SNX14: variants seen among roughly 807,000 people sequenced by gnomAD.
The protein encoded by SNX14 is sorting nexin-14.
A neutral mutation model predicts 133.8 loss-of-function variants in SNX14; 93 were observed. That is an observed-to-expected ratio of 0.70 (90% CI 0.59 to 0.83). The LOEUF (loss-of-function observed/expected upper bound fraction) is 0.83, where lower values mean the gene tolerates loss of function less well. SNX14 is among the 40% of genes least tolerant of loss of function. The pLI is 0.00. For synonymous variants in SNX14, 368 were observed against 365.6 expected (o/e 1.01, Z -0.07); for missense variants, 945 against 1,094.9 (o/e 0.86, Z 1.93).
At chr6:85,569,230 G>A (rs763112908) in intron 4 of SNX14, among the ~76,000 whole-genome samples, 6 of 152,168 alleles carry the variant, frequency 3.9e-5, no homozygotes, top group Non-Finnish European at 8.8e-5. Context: ...CCAAAGTGCT[G>A]GGATTACAGG....
intron 7 of SNX14, among the ~76,000 whole-genome samples, chr6:85,552,067 C>T (rs1788009993): frequency 1.6e-5 from 2 of 128,540 alleles, no homozygotes; most frequent in Admixed American, 9.1e-5. Flanking sequence ...GACGGAGTCT[C>T]GCTCTGTCGC....
Position 85,593,535 on chromosome 6 carries a change from C to T in SNX14, c.140+44G>A, listed in dbSNP as rs1158978078. 3 of 1,578,022 alleles carry T rather than the reference C, an allele frequency of 1.9e-6. No individual in the cohort carries two copies. The African/African-American group carries it at 4.0e-5, about 21-fold the overall frequency. ...AGCAGCACGGGCCGGGCGTCTGCAC[C>T]TTCGGAGAAAAGCCGCCGCCCAGGC... is the stretch of plus-strand genomic sequence containing the variant. On this transcript the variant is annotated intron_variant, in intron 1 of 28. Coordinates refer to ENST00000314673, the MANE Select transcript of SNX14 (RefSeq NM_153816.6).
intron 1 of SNX14, among the ~76,000 whole-genome samples, chr6:85,582,497 T>A (rs1799352608): frequency 6.7e-6 from 1 of 150,070 alleles, no homozygotes; most frequent in African/African-American, 2.5e-5. Flanking sequence ...AGGAGCCGAT[T>A]TTTTTTTTTG....
At chr6:85,516,085 G>A (rs1774857952) in intron 23 of SNX14, among the ~76,000 whole-genome samples, 1 of 151,960 alleles carries the variant, frequency 6.6e-6, no homozygotes, top group Admixed American at 6.6e-5. Context: ...AATCAATGAG[G>A]TTCAAAAAAT....
intron 1 of SNX14, among the ~76,000 whole-genome samples, chr6:85,587,212 A>T (rs1373600873): frequency 6.6e-6 from 1 of 152,100 alleles, no homozygotes; most frequent in Admixed American, 6.5e-5. Context: ...TAAGGCAAAA[A>T]AAAAAATATG....
Position 85,547,083 on chromosome 6 carries a change from C to G in SNX14, c.1108+29G>C, listed in dbSNP as rs755730650. 2.8e-5 allele frequency: 42 copies of G among 1,512,222 alleles called. No individual in the cohort carries two copies. In the Middle Eastern group the frequency reaches 1.0e-3, roughly 38 times the overall value. The allele number at this position is 1,512,222 out of a possible 1,614,324, so 93.7% of individuals were successfully genotyped here. On this transcript the variant is annotated intron_variant, in intron 12 of 28. Transcript: ENST00000314673. ...AATACATTAAAAGGTTTAAAAATTA[C>G]TTTCGTAAAATACACAGGTAAGCCT...
In SNX14 at chr6:85,517,710, T is replaced by C. The variant is rs190501645; in HGVS notation, c.2268+46A>G. On this transcript the variant is annotated intron_variant, in intron 23 of 28. Transcript: ENST00000314673. ...TCGACAATGAAAAAGTAATCTCAAG[T>C]AGGGCAACTTAAAACTTAATAGTTC... The C allele has an allele frequency of 7.8e-6, 12 of 1,538,252 alleles. No individual in the cohort carries two copies. The East Asian group carries it at 2.5e-4, about 32-fold the overall frequency.
chr6:85,572,032 A>G, intron 4 of SNX14, 105 bp downstream of exon 4: 1 of 840,144 alleles, frequency 1.2e-6, no homozygotes. Context: ...TTTAAGTGAC[A>G]TGTATTAAGA....
At chr6:85,506,040 AG>A (rs1306401541) in intron 28 of SNX14, 35 bp from the exon 29 acceptor site, 1 of 1,384,040 alleles carries the variant, frequency 7.2e-7, no homozygotes, top group Non-Finnish European at 1.0e-6. Context: ...ATAGAAGACA[AG>A]ACACAGGTTC....
At chr6:85,517,638 A>G (rs1775487598) in intron 23 of SNX14, 118 bp downstream of exon 23, 1 of 1,203,442 alleles carries the variant, frequency 8.3e-7, no homozygotes. Context: ...TTCCACATAA[A>G]GGAAATGTAT....
At chr6:85,538,253 C>G (rs2128041057) in intron 16 of SNX14, among the ~76,000 whole-genome samples, 1 of 151,770 alleles carries the variant, frequency 6.6e-6, no homozygotes, top group South Asian at 2.1e-4. Context: ...TTTATCTAAA[C>G]AAACATACAA....
chr6:85,546,982 AAAG>A, intron 12 of SNX14, 127 bp downstream of exon 12: 7 of 681,542 alleles, frequency 1.0e-5, no homozygotes, highest in East Asian at 8.6e-5. Flanking sequence ...AAAAAAAAAA[AAAG>A]GAAATCGAGT....
chr6:85,591,735 T>C (rs1026429605), intron 1 of SNX14, among the ~76,000 whole-genome samples: 1 of 152,156 alleles, frequency 6.6e-6, no homozygotes, highest in Non-Finnish European at 1.5e-5. Flanking sequence ...ATGGGCTGCG[T>C]GCAGTCGCTC....
At position 85,518,077 on chromosome 6, in the gene SNX14, G is replaced by C. The variant is rs372931861; in HGVS notation, c.2108-29C>G. The C allele has an allele frequency of 4.4e-5, 69 of 1,567,510 alleles. No homozygotes were observed. In the East Asian group the frequency reaches 1.5e-3, roughly 34 times the overall value. ...CAATTAAAAGTAAAACATTATTTTA[G>C]GAAGGCATAAAACTCTTCATAATTG... On this transcript the variant is annotated intron_variant, in intron 21 of 28. Transcript: ENST00000314673.
chr6:85,525,257 C>A (rs72905350), intron 21 of SNX14, among the ~76,000 whole-genome samples: 5,041 of 152,134 alleles, frequency 0.033, 149 homozygotes, highest in Admixed American at 0.052. Flanking sequence ...AAAAAATAGA[C>A]CAAATATAAG....
chr6:85,574,365 A>C lies in SNX14; in HGVS notation c.154T>G (p.Leu52Val). ...SLLLNRYIHI[L>V]MIFWSFVAGV... ...GCAACAAATGACCAGAAGATCATTA[A>C]AATATGAATATACCTTAAAAATAAA... Residue 52 changes from leucine (L) to valine (V), a missense_variant, in exon 2 of 29, where the codon TTA becomes GTA. This residue lies in a region of SNX14 where 514 missense variants were observed against 538.8 expected (regional missense o/e 0.95). Coordinates refer to ENST00000314673, the MANE Select transcript of SNX14 (RefSeq NM_153816.6). The C allele has an allele frequency of 6.4e-7, 1 of 1,557,040 alleles. No individual in the cohort carries two copies. The highest frequency in any genetic ancestry group is 1.2e-5 in the South Asian group (1 of 84,976).
chr6:85,557,434 G>T (rs1418707628), intron 7 of SNX14, among the ~76,000 whole-genome samples: 2 of 152,194 alleles, frequency 1.3e-5, no homozygotes, highest in African/African-American at 4.8e-5. Context: ...TGCAAATCAT[G>T]ACAGGAAAAA....
At chr6:85,587,079 T>C (rs1801130908) in intron 1 of SNX14, among the ~76,000 whole-genome samples, 1 of 151,870 alleles carries the variant, frequency 6.6e-6, no homozygotes, top group African/African-American at 2.4e-5. Context: ...AGTGTTTTTC[T>C]ATGTTGCCCA....
intron 20 of SNX14, among the ~76,000 whole-genome samples, chr6:85,527,211 T>C (rs1256598256): frequency 1.3e-5 from 2 of 152,112 alleles, no homozygotes; most frequent in Admixed American, 1.3e-4. Context: ...TACAAGAAAA[T>C]ATTTCTTCCA....
Sources: gnomAD v4.1 joint callset for allele counts (sites outside exome capture counted in the v4.1 genomes callset) on GRCh38, gnomAD v4.1.1 for gene constraint, gnomAD v4.1.1 regional missense constraint, MANE v1.5 for transcripts, NCBI Gene and HGNC (gene_info 2026-07-23, HGNC 2026-07-21) for gene names.